The following ZBTB20 variants were observed in gnomAD, a reference collection of about 807,000 sequenced individuals.
ZBTB20 encodes the protein zinc finger and BTB domain-containing protein 20.
In ZBTB20, 9 loss-of-function variants were observed where a neutral mutation model predicts 56.9. That is an observed-to-expected ratio of 0.16 (90% CI 0.10 to 0.28). The LOEUF (loss-of-function observed/expected upper bound fraction) is 0.28, where lower values mean the gene tolerates loss of function less well. Among genes scored for constraint, ZBTB20 ranks in the 10% least tolerant of loss-of-function variants. The pLI is 1.00. For synonymous variants in ZBTB20, 417 were observed against 420.7 expected (o/e 0.99, Z 0.11); for missense variants, 655 against 1,003.0 (o/e 0.65, Z 4.69).
At chr3:115,023,837 T>C (rs2080304923) in intron 2 of ZBTB20, among the ~76,000 whole-genome samples, 2 of 151,068 alleles carry the variant, frequency 1.3e-5, no homozygotes, top group Non-Finnish European at 3.0e-5. Context: ...AGAATATTAT[T>C]AACCAGTACT....
chr3:114,746,935 C>T (rs923264312), intron 5 of ZBTB20, among the ~76,000 whole-genome samples: 5 of 152,262 alleles, frequency 3.3e-5, no homozygotes, highest in Admixed American at 3.3e-4. Flanking sequence ...ACAAATGATA[C>T]CCCACTGTTG....
chr3:114,380,053 A>G (rs1330467692), intron 10 of ZBTB20, among the ~76,000 whole-genome samples, 164 bp downstream of exon 10: 1 of 152,266 alleles, frequency 6.6e-6, no homozygotes, highest in Non-Finnish European at 1.5e-5. Context: ...CTAGCTTTGC[A>G]AACTTATAGA....
chr3:115,042,121 T>A (rs2081169047), intron 2 of ZBTB20, among the ~76,000 whole-genome samples: 1 of 151,638 alleles, frequency 6.6e-6, no homozygotes, highest in Admixed American at 6.6e-5. Flanking sequence ...TTTAGCATTA[T>A]GAAACAAGAA....
chr3:114,640,527 A>G (rs914511043), intron 6 of ZBTB20, among the ~76,000 whole-genome samples: 1 of 152,116 alleles, frequency 6.6e-6, no homozygotes, highest in Non-Finnish European at 1.5e-5. Flanking sequence ...ACTCAGAATT[A>G]TGGATAACCA....
intron 1 of ZBTB20, among the ~76,000 whole-genome samples, chr3:115,087,284 G>A (rs887321123): frequency 2.0e-5 from 3 of 151,828 alleles, no homozygotes; most frequent in East Asian, 3.9e-4. Context: ...CATTTTTCAC[G>A]TTTAGAACTC....
intron 5 of ZBTB20, among the ~76,000 whole-genome samples, chr3:114,749,923 C>T (rs2067433313): frequency 6.6e-6 from 1 of 152,186 alleles, no homozygotes; most frequent in African/African-American, 2.4e-5. Context: ...TCACCACATG[C>T]AGTAAAACCC....
At chr3:114,575,278 T>C (rs1353174955) in intron 6 of ZBTB20, among the ~76,000 whole-genome samples, 1 of 152,208 alleles carries the variant, frequency 6.6e-6, no homozygotes, top group Non-Finnish European at 1.5e-5. Context: ...CATAGAAGGC[T>C]TGAGTGTTCT....
chr3:115,058,580 T>A (rs1390056408), intron 2 of ZBTB20, among the ~76,000 whole-genome samples: 2 of 152,040 alleles, frequency 1.3e-5, no homozygotes, highest in Non-Finnish European at 2.9e-5. Flanking sequence ...AATACAAAAA[T>A]TAGCCGGGCA....
chr3:114,972,368 T>C lies in ZBTB20; in HGVS notation c.-456+1998A>G, dbSNP rs534088109. On this transcript the variant is annotated intron_variant, in intron 3 of 11. Transcript: ENST00000675478. ...AAAATATGAAAATAAAAAACTAACA[T>C]GGACTACAATCCTGCATGTACCATT... Among the ~76,000 whole-genome samples the C allele has an allele frequency of 7.9e-5, 12 of 152,308 alleles. No homozygotes were observed. In the South Asian group the frequency reaches 2.1e-3, roughly 26 times the overall value.
At chr3:114,627,460 C>T (rs2107806051) in intron 6 of ZBTB20, among the ~76,000 whole-genome samples, 1 of 152,254 alleles carries the variant, frequency 6.6e-6, no homozygotes, top group Admixed American at 6.5e-5. Context: ...ATAATTCTTA[C>T]ATCTTAAGCC....
chr3:114,601,715 G>C (rs2056771553), intron 6 of ZBTB20, among the ~76,000 whole-genome samples: 1 of 151,918 alleles, frequency 6.6e-6, no homozygotes, highest in African/African-American at 2.4e-5. Flanking sequence ...AGGTATTGAA[G>C]GATACTTGGG....
rs150114584 is a variant in ZBTB20 at position 114,463,375 on chromosome 3, C to T, written c.-255+36977G>A. ...GTTTCCCCCTGAACTTACATTAATC[C>T]CTTTTTCAGGTTACAGCTAAGGTGG... On this transcript the variant is annotated intron_variant, in intron 7 of 11. Coordinates refer to ENST00000675478, the MANE Select transcript of ZBTB20 (RefSeq NM_001348800.3). 4.7e-3 allele frequency among the ~76,000 whole-genome samples: 721 copies of T among 152,216 alleles called. 5 individuals are homozygous for T. The highest frequency in any genetic ancestry group is 0.016 in the African/African-American group (678 of 41,514).
intron 6 of ZBTB20, among the ~76,000 whole-genome samples, chr3:114,609,126 A>G (rs2107677156): frequency 6.6e-6 from 1 of 152,314 alleles, no homozygotes; most frequent in East Asian, 1.9e-4. Context: ...CTTACCATTT[A>G]GAAAGGCACA....
At chr3:114,612,073 T>C (rs2057601539) in intron 6 of ZBTB20, among the ~76,000 whole-genome samples, 1 of 152,196 alleles carries the variant, frequency 6.6e-6, no homozygotes, top group Non-Finnish European at 1.5e-5. Flanking sequence ...TTTTTCTTCA[T>C]CCTCCCTACT....
intron 10 of ZBTB20, among the ~76,000 whole-genome samples, chr3:114,374,146 C>T (rs1410257353): frequency 6.6e-6 from 1 of 152,098 alleles, no homozygotes; most frequent in Non-Finnish European, 1.5e-5. Context: ...TATCAATTAA[C>T]TAAGAGGCAG....
At chr3:114,580,710 G>C (rs1036090524) in intron 6 of ZBTB20, among the ~76,000 whole-genome samples, 12 of 151,848 alleles carry the variant, frequency 7.9e-5, no homozygotes, top group Middle Eastern at 3.4e-3. Flanking sequence ...ATATAATAAT[G>C]TAAGAATCTA....
At chr3:114,413,310 T>C (rs1219302847) in intron 7 of ZBTB20, among the ~76,000 whole-genome samples, 1 of 152,148 alleles carries the variant, frequency 6.6e-6, no homozygotes, top group Non-Finnish European at 1.5e-5. Context: ...TTACTACTTT[T>C]CAAAAGAAAC....
At chr3:114,856,005 A>ACACCC (rs1333666312) in intron 4 of ZBTB20, among the ~76,000 whole-genome samples, 1 of 152,054 alleles carries the variant, frequency 6.6e-6, no homozygotes, top group African/African-American at 2.4e-5. Flanking sequence ...AGAGTGAAAA[A>ACACCC]CACCCTGAGG....
chr3:114,459,459 T>C (rs1322333607), intron 7 of ZBTB20, among the ~76,000 whole-genome samples: 1 of 152,180 alleles, frequency 6.6e-6, no homozygotes, highest in Non-Finnish European at 1.5e-5. Flanking sequence ...TAGCAGTCTC[T>C]CAGTGACTGC....
Sources: gnomAD v4.1 joint callset for allele counts (sites outside exome capture counted in the v4.1 genomes callset) on GRCh38, gnomAD v4.1.1 for gene constraint, MANE v1.5 for transcripts, NCBI Gene and HGNC (gene_info 2026-07-23, HGNC 2026-07-21) for gene names.